PLCL2: variants seen among roughly 807,000 people sequenced by gnomAD.
PLCL2 encodes phospholipase C like 2.
PLCL2 carries 4 observed loss-of-function variants against 79.6 expected under a neutral mutation model. That is an observed-to-expected ratio of 0.05 (90% CI 0.02 to 0.11). The LOEUF (loss-of-function observed/expected upper bound fraction) is 0.11, where lower values mean the gene tolerates loss of function less well. Among genes scored for constraint, PLCL2 ranks in the 10% least tolerant of loss-of-function variants. The pLI is 1.00. For missense variants in PLCL2, 895 were observed against 1,291.0 expected (o/e 0.69, Z 4.70); for synonymous variants, 484 against 457.7 (o/e 1.06, Z -0.73).
chr3:17,034,797 C>T (rs926461995), intron 3 of PLCL2, among the ~76,000 whole-genome samples: 1 of 152,112 alleles, frequency 6.6e-6, no homozygotes, highest in Non-Finnish European at 1.5e-5. Flanking sequence ...CACTGAAAGT[C>T]GCAGTTTCCA....
chr3:16,934,852 T>G (rs1697501955), intron 1 of PLCL2, among the ~76,000 whole-genome samples: 1 of 152,220 alleles, frequency 6.6e-6, no homozygotes, highest in African/African-American at 2.4e-5. Context: ...CTCTGGTTGT[T>G]CACTTTTAAC....
At chr3:16,959,474 C>G (rs1483717979) in intron 1 of PLCL2, among the ~76,000 whole-genome samples, 2 of 152,156 alleles carry the variant, frequency 1.3e-5, no homozygotes, top group Non-Finnish European at 2.9e-5. Flanking sequence ...GCTTTTATCG[C>G]ATTATCTGTC....
At chr3:16,985,858 C>G (rs2124991642) in intron 1 of PLCL2, among the ~76,000 whole-genome samples, 1 of 152,258 alleles carries the variant, frequency 6.6e-6, no homozygotes, top group African/African-American at 2.4e-5. Context: ...AAGAAACAGA[C>G]TGGTCATCAA....
At chr3:16,963,371 G>A (rs1236847817) in intron 1 of PLCL2, among the ~76,000 whole-genome samples, 2 of 151,826 alleles carry the variant, frequency 1.3e-5, no homozygotes, top group African/African-American at 4.8e-5. Flanking sequence ...TCATGAAGAT[G>A]GAAAATTAGC....
intron 2 of PLCL2, among the ~76,000 whole-genome samples, chr3:17,013,392 G>T (rs758543257): frequency 2.0e-4 from 30 of 152,220 alleles, no homozygotes; most frequent in Non-Finnish European, 7.3e-5. Context: ...GCCTTTAAGG[G>T]GCTTGCATGC....
At chr3:16,981,506 A>G (rs866505529) in intron 1 of PLCL2, among the ~76,000 whole-genome samples, 1 of 152,164 alleles carries the variant, frequency 6.6e-6, no homozygotes, top group Non-Finnish European at 1.5e-5. Context: ...ATAGTAATCA[A>G]GTTTTCTGTG....
rs561741393 is a variant in PLCL2 at position 16,938,065 on chromosome 3, G to A, written c.327+52699G>A. ...GCATGACTACCTGTATAATGCAATC[G>A]TGTTAAATCATTGTTACATGTATTT... is the stretch of plus-strand genomic sequence containing the variant. On this transcript the variant is annotated intron_variant, in intron 1 of 5. Transcript: ENST00000615277. Among the ~76,000 whole-genome samples the A allele has an allele frequency of 1.4e-4, 21 of 152,228 alleles. No homozygotes were observed. In the South Asian group the frequency reaches 4.4e-3, roughly 32 times the overall value.
chr3:17,039,498 A>G (rs139115425), intron 3 of PLCL2, among the ~76,000 whole-genome samples: 307 of 152,360 alleles, frequency 2.0e-3, no homozygotes, highest in African/African-American at 7.2e-3. Context: ...GTTAAGAACA[A>G]GAACTATGAA....
At chr3:16,953,958 T>C (rs183043316) in intron 1 of PLCL2, among the ~76,000 whole-genome samples, 26 of 152,322 alleles carry the variant, frequency 1.7e-4, no homozygotes, top group African/African-American at 4.3e-4. Flanking sequence ...TTAAAATACC[T>C]GCTGTTTCAC....
rs1201192462 is a variant in PLCL2 at position 16,962,218 on chromosome 3, AAG to A, written c.328-47454_328-47453del. Among the ~76,000 whole-genome samples, 5 of 152,216 alleles carry A rather than the reference AAG, an allele frequency of 3.3e-5. No homozygotes were observed. The East Asian group carries it at 9.6e-4, about 29-fold the overall frequency. ...TATTAGAGAACAGGTTATTTTAAAA[AAG>A]ATTTATTTTGAAAGGGGATGATCAG... On this transcript the variant is annotated intron_variant, in intron 1 of 5. Transcript: ENST00000615277.
At chr3:16,908,084 G>A (rs1367888650) in intron 1 of PLCL2, among the ~76,000 whole-genome samples, 1 of 152,018 alleles carries the variant, frequency 6.6e-6, no homozygotes, top group Non-Finnish European at 1.5e-5. Flanking sequence ...CCTTTCGTGG[G>A]TTTTCTGTCT....
intron 1 of PLCL2, among the ~76,000 whole-genome samples, chr3:16,922,302 G>A (rs1697141599): frequency 6.6e-6 from 1 of 152,130 alleles, no homozygotes; most frequent in African/African-American, 2.4e-5. Flanking sequence ...TTTTATAAAG[G>A]TCTAAAATTG....
At chr3:16,946,550 AT>A (rs1355127593) in intron 1 of PLCL2, among the ~76,000 whole-genome samples, 2 of 152,090 alleles carry the variant, frequency 1.3e-5, no homozygotes, top group Non-Finnish European at 2.9e-5. Context: ...TTGGTCTGAG[AT>A]TATAAGGACT....
rs537379595 is a variant in PLCL2 at position 17,018,672 on chromosome 3, CTT to C, written c.3018+3764_3018+3765del. On this transcript the variant is annotated intron_variant, in intron 3 of 5. Coordinates refer to ENST00000615277, the MANE Select transcript of PLCL2 (RefSeq NM_001144382.2). ...ATGACCATAAAGTCAGAGGGTCAAA[CTT>C]TTGAACCAAATAATTGATTTGCTTT... Among the ~76,000 whole-genome samples, 107 of 152,254 alleles carry C rather than the reference CTT, an allele frequency of 7.0e-4. 2 individuals carry two copies. In the East Asian group the frequency reaches 0.02, roughly 29 times the overall value.
rs1697501955 is a variant in PLCL2, at chr3:16,934,852, T to C, written c.327+49486T>C. ...CAGAGACCCTCAGCCCTCTGGTTGT[T>C]CACTTTTAACAAAAAGATTATGTGC... On this transcript the variant is annotated intron_variant, in intron 1 of 5. Coordinates refer to ENST00000615277, the MANE Select transcript of PLCL2 (RefSeq NM_001144382.2). 3.3e-5 allele frequency among the ~76,000 whole-genome samples: 5 copies of C among 152,220 alleles called. No homozygotes were observed. The South Asian group carries it at 1.0e-3, about 31-fold the overall frequency.
chr3:17,057,428 C>T (rs553469181), intron 4 of PLCL2, among the ~76,000 whole-genome samples: 88 of 152,196 alleles, frequency 5.8e-4, no homozygotes, highest in African/African-American at 2.0e-3. Context: ...CTCTGCCCTC[C>T]GTGTTCATAT....
chr3:17,069,744 G>T (rs1016875559), intron 5 of PLCL2, among the ~76,000 whole-genome samples: 3 of 152,022 alleles, frequency 2.0e-5, no homozygotes, highest in South Asian at 4.2e-4. Context: ...AAAGCTAGTC[G>T]CCATTTGCAT....
chr3:17,007,084 C>T (rs561467378), intron 1 of PLCL2, among the ~76,000 whole-genome samples: 5 of 152,228 alleles, frequency 3.3e-5, no homozygotes, highest in South Asian at 4.1e-4. Flanking sequence ...CTTTGAGACA[C>T]GATATATAAA....
At chr3:17,002,707 TC>T in intron 1 of PLCL2, among the ~76,000 whole-genome samples, 1 of 152,286 alleles carries the variant, frequency 6.6e-6, no homozygotes, top group Non-Finnish European at 1.5e-5. Flanking sequence ...CTCCTGTTTT[TC>T]CTACAGGGAC....
Sources: allele counts gnomAD v4.1 joint callset (sites outside exome capture counted in the v4.1 genomes callset), GRCh38; gene constraint gnomAD v4.1.1; transcripts MANE v1.5; gene names NCBI Gene and HGNC (gene_info 2026-07-23, HGNC 2026-07-21).